PAXX: variants seen among roughly 807,000 people sequenced by gnomAD.
PAXX encodes PAXX non-homologous end joining factor.
PAXX carries 27 observed loss-of-function variants against 25.6 expected under a neutral mutation model. The observed-to-expected ratio is 1.06, with a 90% confidence interval of 0.78 to 1.46. The LOEUF is 1.46. Among genes scored for constraint, PAXX ranks in the 40% most tolerant of loss-of-function variants. The pLI, the probability that PAXX is intolerant of heterozygous loss-of-function variation, is 0.00. For missense variants in PAXX, 295 were observed against 280.2 expected (o/e 1.05, Z -0.38); for synonymous variants, 126 against 125.7 (o/e 1.00, Z -0.02).
chr9:136,993,627 T>C lies in PAXX; in HGVS notation c.538T>C (p.Cys180Arg), dbSNP rs1301545598. Residue 180 changes from cysteine to arginine, a missense_variant, in exon 6 of 7, where the codon TGT becomes CGT. Physicochemically the swap from Cys to Arg is radical, Grantham distance 180. Coordinates refer to ENST00000371620, the MANE Select transcript of PAXX (RefSeq NM_183241.3). ...CCCTGGACCTGGAGTCAGGAGGCGGTGTCCAGGAGAGTCGCTCATCAACCC... is the reference window on the plus strand; with the variant it reads ...CCCTGGACCTGGAGTCAGGAGGCGGCGTCCAGGAGAGTCGCTCATCAACCC... Reference protein sequence around the residue: ...GGPGPGVRRRCPGESLINPGF... With the variant: ...GGPGPGVRRRRPGESLINPGF... 6.2e-7 allele frequency: 1 copy of C among 1,613,678 alleles called. No individual in the cohort carries two copies. Among genetic ancestry groups the C allele is most frequent in the Admixed American group, 1.7e-5 (1 of 60,000 alleles).
chr9:136,993,780 G>C lies in PAXX; in HGVS notation c.590G>C (p.Gly197Ala). The change falls in exon 7 of 7, where the codon GGT becomes GCT. Residue 197 changes from glycine (G) to alanine (A), a missense_variant. By Grantham distance (60) the Gly-to-Ala change is moderately conservative. Coordinates refer to ENST00000371620, the MANE Select transcript of PAXX (RefSeq NM_183241.3). Reference protein sequence around the residue: ...NPGFKSKKPAGGVDFDET With the variant: ...NPGFKSKKPAAGVDFDET ...TTCCCTCCCAGTAAGAAACCAGCTGGTGGCGTGGACTTCGATGAGACCTGA... is the reference window on the plus strand; with the variant it reads ...TTCCCTCCCAGTAAGAAACCAGCTGCTGGCGTGGACTTCGATGAGACCTGA... 1 of 1,613,942 alleles carries C rather than the reference G, an allele frequency of 6.2e-7. No individual in the cohort carries two copies. The highest frequency in any genetic ancestry group is 8.5e-7 in the Non-Finnish European group (1 of 1,179,992).
In PAXX at chr9:136,992,665, A is replaced by G. The variant is rs1235828430; in HGVS notation, c.145A>G (p.Ser49Gly). Residue 49 changes from serine to glycine, a missense_variant, in exon 2 of 7, where the codon AGC (serine) becomes GGC (glycine). Transcript: ENST00000371620. The part of the protein sequence containing the change: ...LYVTDAAELW[S>G]TCFTPDSLAA... ...CGTGACCGACGCCGCGGAGCTTTGG[A>G]GCACCTGCTTCACGCCGGACAGCCT... The G allele has an allele frequency of 1.9e-6, 3 of 1,540,754 alleles. No individual in the cohort carries two copies. The African/African-American group carries it at 4.1e-5, about 21-fold the overall frequency.
rs1023790770 is a variant in PAXX, at chr9:136,993,881, A to AC, written c.*82dup. On this transcript the variant is annotated 3_prime_UTR_variant, in exon 7 of 7. Coordinates refer to ENST00000371620, the MANE Select transcript of PAXX (RefSeq NM_183241.3). ...GCAGTCTTTGAGGCCCCCATCAGAG[A>AC]CCCCCCGCCACCACCTCCACCTGCC... The AC allele has an allele frequency of 2.6e-5, 35 of 1,368,094 alleles. No homozygotes were observed. Among genetic ancestry groups the AC allele is most frequent in the Admixed American group, 1.8e-4 (9 of 50,164 alleles). 84.7% of individuals were successfully genotyped at this position (1,368,094 alleles called of 1,614,324 possible).
intron 4 of PAXX, 26 bp from the exon 5 acceptor site, chr9:136,993,317 G>T: frequency 6.3e-7 from 1 of 1,597,906 alleles, no homozygotes; most frequent in Non-Finnish European, 8.5e-7. Context: ...GCACTGAGTG[G>T]GGTTCCCATG....
chr9:136,993,446 G>T, intron 5 of PAXX, 35 bp downstream of exon 5: 1 of 1,599,658 alleles, frequency 6.3e-7, no homozygotes, highest in African/African-American at 1.3e-5. Flanking sequence ...AAGTAGGGCT[G>T]TGCTCTTTAA....
At chr9:136,993,468 G>A in intron 5 of PAXX, 57 bp downstream of exon 5, 1 of 1,596,566 alleles carries the variant, frequency 6.3e-7, no homozygotes, top group Non-Finnish European at 8.6e-7. Flanking sequence ...CTGGAACTCA[G>A]TTTCCCCCCA....
rs992755514 is a variant in PAXX, at chr9:136,993,901, C to T, written c.*96C>T. 1.2e-5 allele frequency: 14 copies of T among 1,216,976 alleles called. No homozygotes were observed. The highest frequency in any genetic ancestry group is 9.0e-5 in the African/African-American group (6 of 66,778). 75.4% of individuals were successfully genotyped at this position (1,216,976 alleles called of 1,614,324 possible). A position where few individuals can be genotyped will look rare whatever the true frequency, so the allele number is the denominator to read the frequency against. ...CAGAGACCCCCCGCCACCACCTCCA[C>T]CTGCCTGTCCTGGGCCAGGACTAAC... On this transcript the variant is annotated 3_prime_UTR_variant, in exon 7 of 7. Coordinates refer to ENST00000371620, the MANE Select transcript of PAXX (RefSeq NM_183241.3).
intron 2 of PAXX, 49 bp downstream of exon 2, chr9:136,992,749 C>T: frequency 6.5e-7 from 1 of 1,549,568 alleles, no homozygotes; most frequent in Non-Finnish European, 8.7e-7. Flanking sequence ...CCTTGCAGTG[C>T]AGATCGTCTA....
intron 6 of PAXX, 39 bp downstream of exon 6, chr9:136,993,703 A>G (rs1217235919): frequency 6.2e-7 from 1 of 1,611,902 alleles, no homozygotes. Context: ...CCAGGGTCCA[A>G]TCCTGGACCC....
chr9:136,993,706 C>T, intron 6 of PAXX, 42 bp downstream of exon 6: 1 of 1,611,804 alleles, frequency 6.2e-7, no homozygotes, highest in Non-Finnish European at 8.5e-7. Flanking sequence ...GGGTCCAATC[C>T]TGGACCCCAC....
At position 136,993,856 on chromosome 9, in the gene PAXX, G is replaced by GC. The variant is rs1471495540; in HGVS notation, c.*52dup. 1.3e-6 allele frequency: 2 copies of GC among 1,599,792 alleles called. No individual in the cohort carries two copies. The highest frequency in any genetic ancestry group is 3.4e-5 in the Admixed American group (2 of 59,596). ...GGGGAGTCCGCCTATGAGGGGAGAG[G>GC]CAGTCTTTGAGGCCCCCATCAGAGA... On this transcript the variant is annotated 3_prime_UTR_variant, in exon 7 of 7. Coordinates refer to ENST00000371620, the MANE Select transcript of PAXX (RefSeq NM_183241.3).
Position 136,993,896 on chromosome 9 carries a change from C to T in PAXX, c.*91C>T. On this transcript the variant is annotated 3_prime_UTR_variant, in exon 7 of 7. Coordinates refer to ENST00000371620, the MANE Select transcript of PAXX (RefSeq NM_183241.3). The stretch of plus-strand genomic sequence containing the variant: ...CCCATCAGAGACCCCCCGCCACCAC[C>T]TCCACCTGCCTGTCCTGGGCCAGGA... 3 of 1,259,570 alleles carry T rather than the reference C, an allele frequency of 2.4e-6. No individual in the cohort carries two copies. Among genetic ancestry groups the T allele is most frequent in the Non-Finnish European group, 3.4e-6 (3 of 887,894 alleles). The allele number at this position is 1,259,570 out of a possible 1,614,324, so 78.0% of individuals were successfully genotyped here.
At chr9:136,992,808 C>T (rs976679572) in intron 2 of PAXX, 108 bp downstream of exon 2, 6 of 1,590,596 alleles carry the variant, frequency 3.8e-6, no homozygotes, top group African/African-American at 2.7e-5. Context: ...ACACCCTCTG[C>T]CCGCCCTGTA....
Position 136,992,489 on chromosome 9 carries a change from G to T in PAXX, c.46G>T (p.Glu16Ter). ...GCTCTGCACGCTGCCGCCGGGCCCC[G>T]AGCCGCCCCGCTTCGTGTGCTACTG... Reference protein sequence around the residue: ...PPLCTLPPGPEPPRFVCYCEG... With the variant: ...PPLCTLPPGP The change falls in exon 1 of 7, where the codon GAG (glutamate) becomes TAG (stop). Residue 16 changes from glutamate to a stop codon, truncating the protein, a stop_gained. Coordinates refer to ENST00000371620, the MANE Select transcript of PAXX (RefSeq NM_183241.3). LOFTEE classifies it high-confidence loss of function. The T allele has an allele frequency of 7.2e-7, 1 of 1,387,828 alleles. No homozygotes were observed. The allele number at this position is 1,387,828 out of a possible 1,614,324, so 86.0% of individuals were successfully genotyped here. A position where few individuals can be genotyped will look rare whatever the true frequency, so the allele number is the denominator to read the frequency against.
chr9:136,993,327 G>T lies in PAXX; in HGVS notation c.422-16G>T. On this transcript the variant is annotated splice_polypyrimidine_tract_variant and intron_variant, in intron 4 of 6. Transcript: ENST00000371620. ...TCCTGGCACTGAGTGGGGTTCCCATGGGCTTTCCTCCCCAGCTGCAGAAGA... is the reference window on the plus strand; with the variant it reads ...TCCTGGCACTGAGTGGGGTTCCCATTGGCTTTCCTCCCCAGCTGCAGAAGA... 1 of 1,602,376 alleles carries T rather than the reference G, an allele frequency of 6.2e-7. No individual in the cohort carries two copies. Among genetic ancestry groups the T allele is most frequent in the East Asian group, 2.2e-5 (1 of 44,556 alleles).
At position 136,993,412 on chromosome 9, in the gene PAXX, G is replaced by A. The variant is rs1169753420; in HGVS notation, c.490+1G>A. Reference sequence around the variant, plus strand: ...GCAGGGCCTCAGCTCTTCTTACCAGGTAAGGCATGTCCGCCTGTGACTCAA... The same window carrying A: ...GCAGGGCCTCAGCTCTTCTTACCAGATAAGGCATGTCCGCCTGTGACTCAA... On this transcript the variant is annotated splice_donor_variant, in intron 5 of 6. Transcript: ENST00000371620. LOFTEE classifies it high-confidence loss of function. 1 of 1,605,322 alleles carries A rather than the reference G, an allele frequency of 6.2e-7. No homozygotes were observed. The highest frequency in any genetic ancestry group is 1.3e-5 in the African/African-American group (1 of 74,898).
In PAXX at chr9:136,993,855, G is replaced by A; in HGVS notation, c.*50G>A. 1 of 1,600,710 alleles carries A rather than the reference G, an allele frequency of 6.2e-7. No homozygotes were observed. Among genetic ancestry groups the A allele is most frequent in the Non-Finnish European group, 8.5e-7 (1 of 1,174,760 alleles). ...CGGGGAGTCCGCCTATGAGGGGAGA[G>A]GCAGTCTTTGAGGCCCCCATCAGAG... On this transcript the variant is annotated 3_prime_UTR_variant, in exon 7 of 7. Coordinates refer to ENST00000371620, the MANE Select transcript of PAXX (RefSeq NM_183241.3).
Position 136,993,030 on chromosome 9 carries a change from T to A in PAXX, c.231-23T>A, listed in dbSNP as rs529604495. On this transcript the variant is annotated intron_variant, in intron 3 of 6. Coordinates refer to ENST00000371620, the MANE Select transcript of PAXX (RefSeq NM_183241.3). ...GGGGAGGAGGAGGGTCTGCCACAGC[T>A]CTCCGCACCTCTCCTCTCCCAGGGC... 95 of 1,612,682 alleles carry A rather than the reference T, an allele frequency of 5.9e-5. 1 individual carries two copies. The East Asian group carries it at 2.1e-3, about 36-fold the overall frequency.
intron 4 of PAXX, 22 bp from the exon 5 acceptor site, chr9:136,993,321 T>C (rs1472641684): frequency 1.3e-6 from 2 of 1,599,492 alleles, no homozygotes; most frequent in Non-Finnish European, 8.5e-7. Flanking sequence ...TGAGTGGGGT[T>C]CCCATGGGCT....
Sources: gnomAD v4.1 joint callset for allele counts on GRCh38, gnomAD v4.1.1 for gene constraint, MANE v1.5 for transcripts, NCBI Gene and HGNC (gene_info 2026-07-23, HGNC 2026-07-21) for gene names.